The following METTL15 variants were observed in gnomAD, a reference collection of about 807,000 sequenced individuals.
METTL15 encodes methyltransferase 15, mitochondrial 12S rRNA N4-cytidine, also known as 12S rRNA N(4)-cytidine methyltransferase METTL15.
METTL15 carries 34 observed loss-of-function variants against 38.3 expected under a neutral mutation model. That is an observed-to-expected ratio of 0.89 (90% confidence interval 0.68 to 1.18). The LOEUF (loss-of-function observed/expected upper bound fraction) is 1.18. Among genes scored for constraint, METTL15 ranks in the 50% most tolerant of loss-of-function variants. The pLI is 0.00. For synonymous variants in METTL15, 162 were observed against 170.9 expected (o/e 0.95, Z 0.41); for missense variants, 438 against 498.4 (o/e 0.88, Z 1.15).
At position 28,114,130 on chromosome 11, in the gene METTL15, C is replaced by T. The variant is rs555703690; in HGVS notation, c.270+526C>T. Among the ~76,000 whole-genome samples the T allele has an allele frequency of 1.5e-4, 23 of 152,266 alleles. No individual in the cohort carries two copies. In the South Asian group the frequency reaches 3.1e-3, roughly 21 times the overall value. On this transcript the variant is annotated intron_variant, in intron 3 of 6. Coordinates refer to ENST00000407364, the MANE Select transcript of METTL15 (RefSeq NM_001113528.2). ...AACCCCATTCCCATTAGTATTCACTCGCCATTGACATCCTTCCCCCAGCCC... is the reference window on the plus strand; with the variant it reads ...AACCCCATTCCCATTAGTATTCACTTGCCATTGACATCCTTCCCCCAGCCC...
At chr11:28,317,396 C>T (rs759910900) in intron 6 of METTL15, among the ~76,000 whole-genome samples, 3 of 151,856 alleles carry the variant, frequency 2.0e-5, no homozygotes, top group South Asian at 2.1e-4. Flanking sequence ...ACATGGGTTG[C>T]GTCACCGAGA....
At chr11:28,262,232 AG>A (rs1855232858) in intron 4 of METTL15, among the ~76,000 whole-genome samples, 1 of 152,050 alleles carries the variant, frequency 6.6e-6, no homozygotes, top group Non-Finnish European at 1.5e-5. Context: ...CAGTCTACCA[AG>A]GGAAGATTAA....
chr11:28,151,503 C>T (rs1249693783), intron 3 of METTL15, among the ~76,000 whole-genome samples: 2 of 151,964 alleles, frequency 1.3e-5, no homozygotes, highest in East Asian at 1.9e-4. Context: ...TGCCAACATG[C>T]GTTACTTCCT....
exon 8 of METTL15, chr11:28,526,887 G>A (rs964073463): frequency 1.3e-5 from 2 of 152,176 alleles, no homozygotes; most frequent in African/African-American, 2.4e-5. Flanking sequence ...TATCAGTGAT[G>A]AAAATTAAAT....
chr11:28,162,298 A>G (rs1257073405), intron 3 of METTL15, among the ~76,000 whole-genome samples: 1 of 152,154 alleles, frequency 6.6e-6, no homozygotes, highest in Non-Finnish European at 1.5e-5. Context: ...GTAAAAGAAT[A>G]AATTAGAGTG....
At chr11:28,330,285 A>C in intron 6 of METTL15, 111 bp from the exon 7 acceptor site, 1 of 985,916 alleles carries the variant, frequency 1.0e-6, no homozygotes, top group Non-Finnish European at 1.5e-6. Flanking sequence ...CAATTTTCTA[A>C]GAAAACTTAG....
intron 6 of METTL15, among the ~76,000 whole-genome samples, chr11:28,447,833 T>C (rs1287350846): frequency 6.6e-6 from 1 of 152,146 alleles, no homozygotes; most frequent in Non-Finnish European, 1.5e-5. Context: ...GTTTCTCTTA[T>C]TTATGCATGC....
At position 28,232,359 on chromosome 11, in the gene METTL15, C is replaced by T. The variant is rs1853722212; in HGVS notation, c.407+21161C>T. On this transcript the variant is annotated intron_variant, in intron 4 of 6. Coordinates refer to ENST00000407364, the MANE Select transcript of METTL15 (RefSeq NM_001113528.2). The stretch of plus-strand genomic sequence containing the variant: ...TATATGGGAATTATATATATTATCA[C>T]TAGAAAAAGATGCTTAGATACTCTA... Among the ~76,000 whole-genome samples, 2 of 151,590 alleles carry T rather than the reference C, an allele frequency of 1.3e-5. 1 individual carries two copies. Among genetic ancestry groups the T allele is most frequent in the South Asian group, 4.2e-4 (2 of 4,798 alleles).
intron 4 of METTL15, among the ~76,000 whole-genome samples, chr11:28,213,637 G>A: frequency 6.7e-6 from 1 of 148,726 alleles, no homozygotes. Flanking sequence ...AAAAAAATAG[G>A]AAAAAGCAAT....
chr11:28,498,032 C>T (rs1180444880), intron 6 of METTL15, among the ~76,000 whole-genome samples: 1 of 130,424 alleles, frequency 7.7e-6, no homozygotes, highest in Admixed American at 8.3e-5. Flanking sequence ...CCAGCCTGAA[C>T]AACAGAGAGA....
rs565788918 is a variant in METTL15 at position 28,132,951 on chromosome 11, T to C, written c.270+19347T>C. Among the ~76,000 whole-genome samples the C allele has an allele frequency of 3.3e-5, 5 of 152,292 alleles. 1 individual carries two copies. In the South Asian group the frequency reaches 1.0e-3, roughly 32 times the overall value. Reference sequence around the variant, plus strand: ...TTTTTGAGTTTTAATTTTTATCTCCTTAGAAGGCAGTCCAAAAACATATTA... The same window carrying C: ...TTTTTGAGTTTTAATTTTTATCTCCCTAGAAGGCAGTCCAAAAACATATTA... On this transcript the variant is annotated intron_variant, in intron 3 of 6. Coordinates refer to ENST00000407364, the MANE Select transcript of METTL15 (RefSeq NM_001113528.2).
chr11:28,157,483 G>A (rs1444632709), intron 3 of METTL15, among the ~76,000 whole-genome samples: 2 of 152,144 alleles, frequency 1.3e-5, no homozygotes, highest in Non-Finnish European at 2.9e-5. Context: ...CTAGGATTTT[G>A]GAGCAAGGCC....
chr11:28,385,423 T>C (rs1850429838), intron 5 of METTL15, among the ~76,000 whole-genome samples: 1 of 152,106 alleles, frequency 6.6e-6, no homozygotes, highest in Non-Finnish European at 1.5e-5. Context: ...GCTTGTTTTT[T>C]TCAGCTTTGT....
At chr11:28,370,982 T>A (rs529462482) in intron 5 of METTL15, among the ~76,000 whole-genome samples, 6 of 152,102 alleles carry the variant, frequency 3.9e-5, no homozygotes, top group Non-Finnish European at 8.8e-5. Context: ...TTTGCAGTTT[T>A]TTTCCTCCCA....
intron 5 of METTL15, among the ~76,000 whole-genome samples, chr11:28,365,707 G>A (rs984503562): frequency 4.6e-5 from 7 of 152,016 alleles, no homozygotes; most frequent in African/African-American, 1.7e-4. Flanking sequence ...AATGTATGAG[G>A]GATTTTTGAA....
chr11:28,393,518 G>C (rs1454518818), intron 5 of METTL15, among the ~76,000 whole-genome samples: 2 of 152,062 alleles, frequency 1.3e-5, no homozygotes, highest in African/African-American at 2.4e-5. Flanking sequence ...AAGACAGCTG[G>C]CTGGACGATC....
At chr11:28,256,550 T>G (rs765104880) in intron 4 of METTL15, among the ~76,000 whole-genome samples, 1 of 152,244 alleles carries the variant, frequency 6.6e-6, no homozygotes, top group Admixed American at 6.5e-5. Context: ...AGTTATAGTG[T>G]CTCCTTTTTC....
intron 6 of METTL15, among the ~76,000 whole-genome samples, chr11:28,503,481 C>T (rs898035829): frequency 6.6e-6 from 1 of 152,164 alleles, no homozygotes; most frequent in African/African-American, 2.4e-5. Flanking sequence ...TCATTTTACC[C>T]AGCTAGCAGA....
At chr11:28,301,467 T>A (rs1856911479) in intron 6 of METTL15, among the ~76,000 whole-genome samples, 1 of 152,096 alleles carries the variant, frequency 6.6e-6, no homozygotes, top group African/African-American at 2.4e-5. Flanking sequence ...GCTTACTATT[T>A]AAATATTCCC....
Sources: gnomAD v4.1 joint callset for allele counts (sites outside exome capture counted in the v4.1 genomes callset) on GRCh38, gnomAD v4.1.1 for gene constraint, MANE v1.5 for transcripts, NCBI Gene and HGNC (gene_info 2026-07-23, HGNC 2026-07-21) for gene names.